TMEM132D: variants seen among roughly 807,000 people sequenced by gnomAD.
TMEM132D encodes the protein transmembrane protein 132D, also known as mature OL transmembrane protein.
Under a neutral mutation model 62.3 loss-of-function variants are expected in TMEM132D, and 21 were observed. The ratio of observed to expected loss-of-function variants is 0.34; its 90% CI spans 0.24 to 0.49. The LOEUF is 0.49. TMEM132D is among the 20% of genes least tolerant of loss of function. TMEM132D has a pLI of 0.99. For synonymous variants in TMEM132D, 621 were observed against 575.6 expected (o/e 1.08, Z -1.13); for missense variants, 1,346 against 1,402.8 (o/e 0.96, Z 0.65).
intron 3 of TMEM132D, among the ~76,000 whole-genome samples, chr12:129,406,917 C>T (rs934641939): frequency 1.3e-5 from 2 of 152,300 alleles, no homozygotes; most frequent in Non-Finnish European, 2.9e-5. Flanking sequence ...CTCCCTGTCT[C>T]GTATCTGCCT....
chr12:129,281,520 C>T (rs1326085047), intron 4 of TMEM132D, among the ~76,000 whole-genome samples: 2 of 151,466 alleles, frequency 1.3e-5, no homozygotes, highest in Non-Finnish European at 2.9e-5. Context: ...GAGGCTTGTT[C>T]GTGAATTCTG....
At chr12:129,243,648 A>G (rs1048426902) in intron 4 of TMEM132D, among the ~76,000 whole-genome samples, 7 of 152,288 alleles carry the variant, frequency 4.6e-5, no homozygotes, top group African/African-American at 1.7e-4. Context: ...TCATCTCCAC[A>G]ATGATTTTGC....
intron 2 of TMEM132D, among the ~76,000 whole-genome samples, chr12:129,609,594 A>G (rs1377928156): frequency 6.6e-6 from 1 of 152,116 alleles, no homozygotes; most frequent in African/African-American, 2.4e-5. Flanking sequence ...TGCTCTCCCA[A>G]CTGCAAATGC....
intron 2 of TMEM132D, among the ~76,000 whole-genome samples, chr12:129,565,178 G>A (rs1877335397): frequency 6.6e-6 from 1 of 152,156 alleles, no homozygotes; most frequent in Non-Finnish European, 1.5e-5. Context: ...CATCAGATGA[G>A]ATTCATATTG....
chr12:129,294,893 T>C (rs946459943), intron 4 of TMEM132D, among the ~76,000 whole-genome samples: 11 of 152,254 alleles, frequency 7.2e-5, no homozygotes, highest in Non-Finnish European at 2.9e-5. Context: ...GGATTTTTGA[T>C]AAATAATCAT....
At chr12:129,158,035 A>AG (rs1345366255) in intron 5 of TMEM132D, among the ~76,000 whole-genome samples, 4 of 152,276 alleles carry the variant, frequency 2.6e-5, no homozygotes, top group Admixed American at 2.6e-4. Flanking sequence ...GTGCTGACAG[A>AG]GGGGTAGGTG....
intron 2 of TMEM132D, among the ~76,000 whole-genome samples, chr12:129,681,108 C>T (rs1593117852): frequency 6.6e-6 from 1 of 152,152 alleles, no homozygotes. Flanking sequence ...AAGCACAGCA[C>T]AGCAGGGTAA....
chr12:129,244,299 T>C (rs555208885), intron 4 of TMEM132D, among the ~76,000 whole-genome samples: 155 of 147,300 alleles, frequency 1.1e-3, no homozygotes, highest in African/African-American at 3.8e-3. Context: ...GGCAGGAGAA[T>C]GGCGTGAGCC....
At chr12:129,525,128 T>C (rs1875983709) in intron 3 of TMEM132D, among the ~76,000 whole-genome samples, 1 of 149,374 alleles carries the variant, frequency 6.7e-6, no homozygotes, top group Non-Finnish European at 1.5e-5. Flanking sequence ...GGCTTCACCA[T>C]GTTGGCCAGG....
At chr12:129,113,143 C>T (rs1216585825) in intron 5 of TMEM132D, 3 of 152,216 alleles carry the variant, frequency 2.0e-5, no homozygotes. Context: ...GGCATCTGGA[C>T]ATCGAGAAAA....
At chr12:129,618,068 G>T (rs921112021) in intron 2 of TMEM132D, among the ~76,000 whole-genome samples, 1 of 152,160 alleles carries the variant, frequency 6.6e-6, no homozygotes, top group African/African-American at 2.4e-5. Context: ...GCAGTGTTAT[G>T]AGGACCAGAG....
chr12:129,886,525 CT>C (rs1795051799), intron 1 of TMEM132D, among the ~76,000 whole-genome samples: 1 of 152,150 alleles, frequency 6.6e-6, no homozygotes, highest in South Asian at 2.1e-4. Context: ...TGCATCGCCC[CT>C]CCATTCATAT....
At chr12:129,306,323 G>A (rs1881845586) in intron 4 of TMEM132D, among the ~76,000 whole-genome samples, 1 of 152,118 alleles carries the variant, frequency 6.6e-6, no homozygotes, top group Non-Finnish European at 1.5e-5. Flanking sequence ...ACTTCTTCTG[G>A]CTTATGCAGT....
chr12:129,722,682 C>T (rs1868881339), intron 1 of TMEM132D, among the ~76,000 whole-genome samples: 1 of 151,960 alleles, frequency 6.6e-6, no homozygotes. Flanking sequence ...TGCTGGAGAA[C>T]CAGAGTGATG....
At chr12:129,590,439 G>A (rs150905827) in intron 2 of TMEM132D, among the ~76,000 whole-genome samples, 102 of 152,266 alleles carry the variant, frequency 6.7e-4, no homozygotes, top group African/African-American at 2.2e-3. Context: ...TGCTCCCACA[G>A]GTATACTGTT....
At chr12:129,471,544 T>C (rs2137047376) in intron 3 of TMEM132D, among the ~76,000 whole-genome samples, 1 of 152,270 alleles carries the variant, frequency 6.6e-6, no homozygotes, top group East Asian at 1.9e-4. Context: ...ACGACAGTAG[T>C]GAAATGAAAC....
chr12:129,750,234 C>T (rs374481990), intron 1 of TMEM132D, among the ~76,000 whole-genome samples: 4 of 151,978 alleles, frequency 2.6e-5, no homozygotes, highest in East Asian at 3.9e-4. Flanking sequence ...TACAGGCACC[C>T]GCCACCACGC....
At chr12:129,148,991 CT>C (rs1424826449) in intron 5 of TMEM132D, among the ~76,000 whole-genome samples, 4 of 152,064 alleles carry the variant, frequency 2.6e-5, no homozygotes, top group South Asian at 2.1e-4. Context: ...CAAAAAGGGA[CT>C]TTTTTTTAAT....
chr12:129,736,922 A>T (rs566110516), intron 1 of TMEM132D, among the ~76,000 whole-genome samples: 77 of 149,984 alleles, frequency 5.1e-4, no homozygotes, highest in African/African-American at 1.8e-3. Context: ...GGCTCAAGCG[A>T]TTCTCCTGCC....
Sources: gnomAD v4.1 joint callset for allele counts (sites outside exome capture counted in the v4.1 genomes callset) on GRCh38, gnomAD v4.1.1 for gene constraint, MANE v1.5 for transcripts, NCBI Gene and HGNC (gene_info 2026-07-23, HGNC 2026-07-21) for gene names.